Variants in RHOU observed in about 807,000 individuals in gnomAD.
RHOU encodes the protein ras homolog family member U.
RHOU carries 8 observed loss-of-function variants against 12.6 expected under a neutral mutation model. The observed-to-expected ratio is 0.64, with a 90% CI of 0.37 to 1.15. The LOEUF (loss-of-function observed/expected upper bound fraction) is 1.15, where lower values mean the gene tolerates loss of function less well. RHOU is among the 50% of genes most tolerant of loss of function. RHOU has a pLI of 0.01. For missense variants in RHOU, 258 were observed against 347.0 expected (o/e 0.74, Z 2.04); for synonymous variants, 161 against 147.4 (o/e 1.09, Z -0.67).
the RHOU span, among the ~76,000 whole-genome samples, chr1:228,695,674 G>A: frequency 6.6e-6 from 1 of 152,198 alleles, no homozygotes; most frequent in African/African-American, 2.4e-5. Flanking sequence ...TGTGAAGGGG[G>A]TGCAGGTATG....
At chr1:228,730,394 C>T in the RHOU span, among the ~76,000 whole-genome samples, 1 of 152,104 alleles carries the variant, frequency 6.6e-6, no homozygotes, top group South Asian at 2.1e-4. Context: ...GGGCTGAAGG[C>T]TGCTCTGGGT....
the RHOU span, among the ~76,000 whole-genome samples, chr1:228,646,746 A>T: frequency 2.0e-5 from 3 of 151,932 alleles, no homozygotes; most frequent in East Asian, 5.9e-4. Flanking sequence ...CCACACACAG[A>T]CACACCCGTT....
chr1:228,672,628 C>T, the RHOU span, among the ~76,000 whole-genome samples: 9 of 152,156 alleles, frequency 5.9e-5, no homozygotes, highest in African/African-American at 2.2e-4. Context: ...TGATGATGCA[C>T]ATGCCCAAGT....
chr1:228,672,744 C>T, the RHOU span, among the ~76,000 whole-genome samples: 485 of 152,194 alleles, frequency 3.2e-3, 3 homozygotes, highest in African/African-American at 0.011. Context: ...AGTTTTTCTC[C>T]GGGGGTATGA....
At chr1:228,723,966 T>C in the RHOU span, among the ~76,000 whole-genome samples, 1 of 152,220 alleles carries the variant, frequency 6.6e-6, no homozygotes, top group Non-Finnish European at 1.5e-5. Context: ...CCACGGGACT[T>C]GCTCTCTTAC....
the RHOU span, among the ~76,000 whole-genome samples, chr1:228,658,009 G>T: frequency 1.3e-5 from 2 of 152,264 alleles, no homozygotes; most frequent in South Asian, 2.1e-4. Flanking sequence ...GGCCTGGGGT[G>T]GTGGCTCATG....
chr1:228,726,739 C>T, the RHOU span, among the ~76,000 whole-genome samples: 1 of 151,984 alleles, frequency 6.6e-6, no homozygotes, highest in African/African-American at 2.4e-5. Flanking sequence ...CTCTGAGCTG[C>T]CATCTTCTAA....
the RHOU span, among the ~76,000 whole-genome samples, chr1:228,688,977 T>C: frequency 6.6e-6 from 1 of 152,152 alleles, no homozygotes; most frequent in Non-Finnish European, 1.5e-5. Context: ...AGGTGGCACT[T>C]TGAAGAGGCT....
chr1:228,647,134 A>AG, the RHOU span, among the ~76,000 whole-genome samples: 1 of 152,026 alleles, frequency 6.6e-6, no homozygotes, highest in Admixed American at 6.6e-5. Flanking sequence ...AATAGGGTGG[A>AG]GGGGTTTGAG....
the RHOU span, among the ~76,000 whole-genome samples, chr1:228,673,231 A>C: frequency 6.6e-6 from 1 of 152,164 alleles, no homozygotes; most frequent in South Asian, 2.1e-4. Flanking sequence ...CCACTAATCT[A>C]ACTCCTTAAA....
chr1:228,707,138 A>ATG, the RHOU span, among the ~76,000 whole-genome samples: 1 of 124,406 alleles, frequency 8.0e-6, no homozygotes, highest in Non-Finnish European at 1.6e-5. Context: ...ATATATATAT[A>ATG]TATATATGTA....
the RHOU span, among the ~76,000 whole-genome samples, chr1:228,673,402 A>T: frequency 6.6e-6 from 1 of 152,164 alleles, no homozygotes; most frequent in African/African-American, 2.4e-5. Context: ...ATATACCCCA[A>T]TTAATTTATC....
the RHOU span, among the ~76,000 whole-genome samples, chr1:228,707,363 A>G: frequency 2.0e-5 from 3 of 147,754 alleles, no homozygotes; most frequent in Non-Finnish European, 3.0e-5. Context: ...TCCGGTCTAC[A>G]GCTCCCAGCG....
At chr1:228,660,571 C>G in the RHOU span, among the ~76,000 whole-genome samples, 1 of 151,660 alleles carries the variant, frequency 6.6e-6, no homozygotes, top group African/African-American at 2.4e-5. Flanking sequence ...TAAAAATCCT[C>G]ACCATACCCT....
chr1:228,661,499 G>A, the RHOU span, among the ~76,000 whole-genome samples: 6 of 152,262 alleles, frequency 3.9e-5, no homozygotes, highest in Admixed American at 3.9e-4. Flanking sequence ...CAATGGAACA[G>A]AACAGAGCCC....
chr1:228,713,584 G>T, the RHOU span, among the ~76,000 whole-genome samples: 1 of 151,928 alleles, frequency 6.6e-6, no homozygotes. Context: ...CTCCCACCTC[G>T]GCCTCCCAAA....
the RHOU span, among the ~76,000 whole-genome samples, chr1:228,686,479 A>C: frequency 2.6e-5 from 4 of 152,206 alleles, no homozygotes; most frequent in African/African-American, 4.8e-5. Context: ...TGCAGTTTAA[A>C]ACCTATTATG....
chr1:228,731,627 C>G (rs780458379), upstream of RHOU, among the ~76,000 whole-genome samples: 3 of 152,030 alleles, frequency 2.0e-5, no homozygotes, highest in Non-Finnish European at 4.4e-5. Flanking sequence ...AATAAACATC[C>G]TTGGAGGAGG....
chr1:228,666,422 T>C, the RHOU span, among the ~76,000 whole-genome samples: 18 of 152,248 alleles, frequency 1.2e-4, no homozygotes, highest in Non-Finnish European at 2.1e-4. Flanking sequence ...ATCATTTCTT[T>C]GTGTTGGGAA....
Sources: allele counts gnomAD v4.1 joint callset (sites outside exome capture counted in the v4.1 genomes callset), GRCh38; gene constraint gnomAD v4.1.1; transcripts MANE v1.5; gene names NCBI Gene and HGNC (gene_info 2026-07-23, HGNC 2026-07-21).